The following MUC5AC variants were observed in gnomAD, a reference collection of about 807,000 sequenced individuals.
MUC5AC encodes the protein mucin-5AC.
Under a neutral mutation model 169.7 loss-of-function variants are expected in MUC5AC, and 158 were observed. The ratio of observed to expected loss-of-function variants is 0.93; its 90% CI spans 0.82 to 1.06. The LOEUF (loss-of-function observed/expected upper bound fraction) is 1.06, where lower values mean the gene tolerates loss of function less well. MUC5AC is among the 50% of genes least tolerant of loss of function. The pLI, the probability that MUC5AC is intolerant of heterozygous loss-of-function variation, is 0.00. For missense variants in MUC5AC, 4,359 were observed against 3,089.9 expected, an observed-to-expected ratio of 1.41 and a Z score of -9.74; for synonymous variants, 1,975 against 1,237.0, an observed-to-expected ratio of 1.60 and a Z score of -12.52.
chr11:1,175,172 G>C (rs1191547269), intron 18 of MUC5AC, 35 bp downstream of exon 18: 4 of 398,404 alleles, frequency 1.0e-5, no homozygotes, highest in African/African-American at 4.1e-5. Context: ...GGGGTCCCTC[G>C]TGTCTCCTGG....
At chr11:1,175,818 CA>C (rs1564911306) in intron 19 of MUC5AC, among the ~76,000 whole-genome samples, 2 of 1,492 alleles carry the variant, frequency 1.3e-3, no homozygotes, top group Non-Finnish European at 1.7e-3. Context: ...TCATGCACAC[CA>C]CACCCACTCA....
chr11:1,192,143 C>G lies in MUC5AC; in HGVS notation c.13998C>G (p.Arg4666=), dbSNP rs758912389. The change falls in exon 31 of 49, where the codon CGC becomes CGG. Residue 4666 remains arginine, a synonymous_variant. Coordinates refer to ENST00000621226, the MANE Select transcript of MUC5AC (RefSeq NM_001304359.2). ...TCAGGAGTGGGGAAAAAATCTGCCG[C>G]CGACCTGAGGAGATCACCAGGCTCC... ...NIIRSGEKIC[R]RPEEITRLQC... 1.3e-6 allele frequency: 1 copy of G among 765,092 alleles called. No individual in the cohort carries two copies. The highest frequency in any genetic ancestry group is 2.4e-6 in the Non-Finnish European group (1 of 417,896). 47.4% of individuals were successfully genotyped at this position (765,092 alleles called of 1,614,324 possible).
Position 1,189,970 on chromosome 11 carries a change from A to G in MUC5AC, c.11825A>G (p.Lys3942Arg), listed in dbSNP as rs1861049108. Residue 3942 changes from lysine (K) to arginine (R), a missense_variant, in exon 31 of 49, where the codon AAG becomes AGG. Coordinates refer to ENST00000621226, the MANE Select transcript of MUC5AC (RefSeq NM_001304359.2). ...KTSTSHVSVSKTTHSQPVTRD... is the reference protein window; with the variant it reads ...KTSTSHVSVSRTTHSQPVTRD... ...AGCACAAGCCATGTTTCTGTATCCAAGACAACCCACTCCCAACCAGTCACC... is the reference window on the plus strand; with the variant it reads ...AGCACAAGCCATGTTTCTGTATCCAGGACAACCCACTCCCAACCAGTCACC... 1.3e-6 allele frequency: 1 copy of G among 765,016 alleles called. No individual in the cohort carries two copies. Among genetic ancestry groups the G allele is most frequent in the African/African-American group, 1.7e-5 (1 of 59,148 alleles). 47.4% of individuals were successfully genotyped at this position (765,016 alleles called of 1,614,324 possible).
intron 6 of MUC5AC, among the ~76,000 whole-genome samples, chr11:1,163,658 C>T (rs1860212030): frequency 1.3e-5 from 2 of 152,294 alleles, no homozygotes; most frequent in African/African-American, 2.4e-5. Context: ...ACCTCCTGGG[C>T]TGTTTCTCCC....
chr11:1,168,124 C>T, intron 12 of MUC5AC, 137 bp downstream of exon 12: 1 of 769,996 alleles, frequency 1.3e-6, no homozygotes. Context: ...TGGCTGTGTC[C>T]ATTACTTATG....
Position 1,185,539 on chromosome 11 carries a change from C to T in MUC5AC, c.7394C>T (p.Thr2465Ile), listed in dbSNP as rs1860917474. ...ACGACCAGCACAACCTCTGCCCCTA[C>T]AACAAGAACAACTTCTGCTCCTAAA... ...VPTTSTTSAP[T>I]TRTTSAPKSS... Residue 2465 changes from threonine (T) to isoleucine (I), a missense_variant, in exon 31 of 49, where the codon ACA (threonine) becomes ATA (isoleucine). Thr to Ile is a moderately conservative substitution (Grantham distance 89, BLOSUM62 -1). Coordinates refer to ENST00000621226, the MANE Select transcript of MUC5AC (RefSeq NM_001304359.2). 1.4e-6 allele frequency: 1 copy of T among 720,922 alleles called. No individual in the cohort carries two copies. Among genetic ancestry groups the T allele is most frequent in the Non-Finnish European group, 2.5e-6 (1 of 395,314 alleles). The allele number at this position is 720,922 out of a possible 1,614,324, so 44.7% of individuals were successfully genotyped here.
chr11:1,165,624 C>T lies in MUC5AC; in HGVS notation c.1250C>T (p.Thr417Ile), dbSNP rs1409688788. Reference protein sequence around the residue: ...ATYSTDCTNCTCSGGRWSCQE... With the variant: ...ATYSTDCTNCICSGGRWSCQE... ...GTGGCACCATCTCTTGCTCTCAGCA[C>T]CTGCTCCGGAGGCCGGTGGAGCTGC... The change falls in exon 11 of 49, where the codon ACC (threonine) becomes ATC (isoleucine). Residue 417 changes from threonine (T) to isoleucine (I), a missense_variant and splice_region_variant. Thr to Ile is a moderately conservative substitution (Grantham distance 89). Transcript: ENST00000621226. 1.2e-6 allele frequency: 2 copies of T among 1,611,972 alleles called. No individual in the cohort carries two copies. The highest frequency in any genetic ancestry group is 1.7e-5 in the Admixed American group (1 of 60,000).
rs957522458 is a variant in MUC5AC at position 1,200,837 on chromosome 11, T to C, written c.*135T>C. ...AACACACTGTCCACGCCCGCTTTCT[T>C]GTGGAGGGTGTGGGCTATGGGTCAC... is the stretch of plus-strand genomic sequence containing the variant. On this transcript the variant is annotated 3_prime_UTR_variant, in exon 49 of 49. Transcript: ENST00000621226. The C allele has an allele frequency of 9.9e-6, 6 of 605,878 alleles. No homozygotes were observed. The highest frequency in any genetic ancestry group is 9.1e-5 in the African/African-American group (5 of 54,684). 37.5% of individuals were successfully genotyped at this position (605,878 alleles called of 1,614,324 possible).
In MUC5AC at chr11:1,163,876, C is replaced by A; in HGVS notation, c.680-6C>A. On this transcript the variant is annotated splice_polypyrimidine_tract_variant and splice_region_variant and intron_variant, in intron 6 of 48. Transcript: ENST00000621226. ...CAGGCAGAGCCCGCCTCTGTGCTTG[C>A]CGCAGACACCAAGCTGACACCCATG... 1 of 1,598,094 alleles carries A rather than the reference C, an allele frequency of 6.3e-7. No individual in the cohort carries two copies. The highest frequency in any genetic ancestry group is 8.5e-7 in the Non-Finnish European group (1 of 1,172,986).
Position 1,187,475 on chromosome 11 carries a change from T to C in MUC5AC, c.9330T>C (p.Ser3110=). ...CTGCTCCTACAACCAGCACAACCTCTGCCTCTACAGCCAGCAAAACCTCTG... is the reference window on the plus strand; with the variant it reads ...CTGCTCCTACAACCAGCACAACCTCCGCCTCTACAGCCAGCAAAACCTCTG... ...TTSAPTTSTT[S]ASTASKTSGL... Residue 3110 remains serine (S), a synonymous_variant, in exon 31 of 49, where the codon TCT becomes TCC. Transcript: ENST00000621226. 4 of 733,592 alleles carry C rather than the reference T, an allele frequency of 5.5e-6. No homozygotes were observed. The highest frequency in any genetic ancestry group is 9.9e-6 in the Non-Finnish European group (4 of 402,148). The allele number at this position is 733,592 out of a possible 1,614,324, so 45.4% of individuals were successfully genotyped here.
chr11:1,195,451 G>C (rs938327478), intron 36 of MUC5AC, among the ~76,000 whole-genome samples, 172 bp downstream of exon 36: 8 of 151,800 alleles, frequency 5.3e-5, no homozygotes, highest in African/African-American at 1.9e-4. Flanking sequence ...GTGCCGGGGA[G>C]GGGTGGGCAG....
rs1860640282 is a variant in MUC5AC, at chr11:1,175,120, C to T, written c.2331C>T (p.His777=). 3 of 398,572 alleles carry T rather than the reference C, an allele frequency of 7.5e-6. No homozygotes were observed. The highest frequency in any genetic ancestry group is 4.1e-5 in the African/African-American group (2 of 48,530). The allele number at this position is 398,572 out of a possible 1,614,324, so 24.7% of individuals were successfully genotyped here. ...TGATCCCCAATGGGGAGTCGGTGCA[C>T]GACAGCGGGGCTATCTGGTAAGAGC... The part of the protein sequence containing the change: ...GSMIPNGESV[H]DSGAICTCTH... Residue 777 remains histidine (H), a synonymous_variant, in exon 18 of 49, where the codon CAC becomes CAT. Transcript: ENST00000621226.
Position 1,163,973 on chromosome 11 carries a change from G to T in MUC5AC, c.771G>T (p.Arg257Ser), listed in dbSNP as rs1483566157. The T allele has an allele frequency of 6.2e-7, 1 of 1,611,040 alleles. No individual in the cohort carries two copies. The highest frequency in any genetic ancestry group is 1.3e-5 in the African/African-American group (1 of 74,980). The change falls in exon 7 of 49, where the codon AGG (arginine) becomes AGT (serine). Residue 257 changes from arginine to serine, a missense_variant. Arg to Ser is a moderately radical substitution (Grantham distance 110). Coordinates refer to ENST00000621226, the MANE Select transcript of MUC5AC (RefSeq NM_001304359.2). ...QCQDPVPEPP[R>S]NCSTGFGICE... ...AGGACCCTGTCCCTGAACCCCCGAG[G>T]AACTGCTCCACTGGCTTTGTAAGCC...
Position 1,188,478 on chromosome 11 carries a change from A to G in MUC5AC, c.10333A>G (p.Ser3445Gly). The change falls in exon 31 of 49, where the codon AGC becomes GGC. Residue 3445 changes from serine (S) to glycine (G), a missense_variant. By Grantham distance (56) the Ser-to-Gly change is moderately conservative (BLOSUM62 0). Transcript: ENST00000621226. ...TTSTTSSPTT[S>G]TTSATTTSTT... ...CAGCACAACCTCTTCCCCTACAACCAGCACAACCTCTGCTACTACAACCAG... is the reference window on the plus strand; with the variant it reads ...CAGCACAACCTCTTCCCCTACAACCGGCACAACCTCTGCTACTACAACCAG... 2 of 660,706 alleles carry G rather than the reference A, an allele frequency of 3.0e-6. No homozygotes were observed. The highest frequency in any genetic ancestry group is 5.2e-5 in the East Asian group (2 of 38,196). The allele number at this position is 660,706 out of a possible 1,614,324, so 40.9% of individuals were successfully genotyped here.
intron 16 of MUC5AC, among the ~76,000 whole-genome samples, chr11:1,173,340 C>T (rs1314240786): frequency 6.7e-6 from 1 of 149,810 alleles, no homozygotes; most frequent in Admixed American, 6.6e-5. Context: ...CACTCATCCA[C>T]TCACCCACTC....
At chr11:1,193,384 CCT>C (rs1739099893) in intron 32 of MUC5AC, 99 bp from the exon 33 acceptor site, 1 of 633,178 alleles carries the variant, frequency 1.6e-6, no homozygotes, top group Admixed American at 2.3e-5. Flanking sequence ...GCCACCCTCC[CCT>C]GTCCCCACAC....
chr11:1,199,018 C>A (rs775309364), intron 44 of MUC5AC, 22 bp downstream of exon 44: 11 of 762,986 alleles, frequency 1.4e-5, no homozygotes, highest in Middle Eastern at 2.2e-4. Context: ...CACCCTGCCC[C>A]GACCCTGCCC....
At chr11:1,170,492 C>G (rs1279289250) in intron 15 of MUC5AC, among the ~76,000 whole-genome samples, 203 of 138,886 alleles carry the variant, frequency 1.5e-3, no homozygotes, top group African/African-American at 5.0e-3. Context: ...CACCCACTCA[C>G]TCACCCACTC....
chr11:1,186,766 C>A lies in MUC5AC; in HGVS notation c.8621C>A (p.Thr2874Asn). ...AGCAGCACAACCTCCACTGCTACAA[C>A]CAGCACAACCTCTGGCCCTGGAACT... ...PTSSTTSTATTSTTSGPGTTP... is the reference protein window; with the variant it reads ...PTSSTTSTATNSTTSGPGTTP... The change falls in exon 31 of 49, where the codon ACC (threonine) becomes AAC (asparagine). Residue 2874 changes from threonine to asparagine, a missense_variant. Coordinates refer to ENST00000621226, the MANE Select transcript of MUC5AC (RefSeq NM_001304359.2). 2.7e-6 allele frequency: 2 copies of A among 740,522 alleles called. No homozygotes were observed. Among genetic ancestry groups the A allele is most frequent in the South Asian group, 1.4e-5 (1 of 71,258 alleles). 45.9% of individuals were successfully genotyped at this position (740,522 alleles called of 1,614,324 possible).
Sources: gnomAD v4.1 joint callset for allele counts (sites outside exome capture counted in the v4.1 genomes callset) on GRCh38, gnomAD v4.1.1 for gene constraint, MANE v1.5 for transcripts, NCBI Gene and HGNC (gene_info 2026-07-23, HGNC 2026-07-21) for gene names.